Variants in CLASP2 observed in about 807,000 individuals in gnomAD.
CLASP2 encodes CLIP-associating protein 2.
In CLASP2, 47 loss-of-function variants were observed where a neutral mutation model predicts 194.4. The observed-to-expected ratio is 0.24, with a 90% CI of 0.19 to 0.31. The LOEUF (loss-of-function observed/expected upper bound fraction) is 0.31, where lower values mean the gene tolerates loss of function less well. Among genes scored for constraint, CLASP2 ranks in the 10% least tolerant of loss-of-function variants. CLASP2 has a pLI of 1.00. For synonymous variants in CLASP2, 619 were observed against 633.5 expected, an observed-to-expected ratio of 0.98 and a Z score of 0.34; for missense variants, 1,445 against 1,823.6, an observed-to-expected ratio of 0.79 and a Z score of 3.78.
rs78356707 is a variant in CLASP2, at chr3:33,617,084, T to TA, written c.1317+2518dup. Among the ~76,000 whole-genome samples, 299 of 130,524 alleles carry TA rather than the reference T, an allele frequency of 2.3e-3. 3 individuals are homozygous for TA. Among genetic ancestry groups the TA allele is most frequent in the East Asian group, 7.0e-3 (33 of 4,694 alleles). 85.6% of individuals were successfully genotyped at this position (130,524 alleles called of 152,430 possible). ...TCTGGATTAAGGTTGTCTACAATCTTAAAAAAAAAAAAAGCCTGAAACGGG... is the reference window on the plus strand; with the variant it reads ...TCTGGATTAAGGTTGTCTACAATCTTAAAAAAAAAAAAAAGCCTGAAACGGG... On this transcript the variant is annotated intron_variant, in intron 12 of 38. Coordinates refer to ENST00000682230, the MANE Select transcript of CLASP2 (RefSeq NM_001365631.1).
intron 22 of CLASP2, 51 bp downstream of exon 22, chr3:33,584,694 GAAAAA>G: frequency 6.7e-6 from 7 of 1,039,354 alleles, no homozygotes; most frequent in East Asian, 3.2e-5. Flanking sequence ...GCCAAAGCCT[GAAAAA>G]AAAAAAAAAA....
chr3:33,639,130 G>A (rs956565082), intron 8 of CLASP2, among the ~76,000 whole-genome samples: 1 of 151,924 alleles, frequency 6.6e-6, no homozygotes, highest in African/African-American at 2.4e-5. Flanking sequence ...TGATCACGGT[G>A]CACTACAGCC....
At chr3:33,676,280 A>G (rs1347775353) in intron 6 of CLASP2, among the ~76,000 whole-genome samples, 12 of 150,574 alleles carry the variant, frequency 8.0e-5, no homozygotes, top group Admixed American at 1.3e-4. Context: ...ATAACGCCGC[A>G]TATCTACAAC....
intron 8 of CLASP2, among the ~76,000 whole-genome samples, chr3:33,644,093 G>A (rs1019133020): frequency 4.0e-5 from 6 of 151,790 alleles, no homozygotes; most frequent in Admixed American, 6.6e-5. Context: ...ATATACTCAC[G>A]GCTTTCTAAT....
intron 5 of CLASP2, among the ~76,000 whole-genome samples, chr3:33,685,494 T>C (rs182912003): frequency 6.6e-6 from 1 of 152,194 alleles, no homozygotes; most frequent in African/African-American, 2.4e-5. Context: ...CTCAAACAGA[T>C]ACTTTTTACA....
chr3:33,622,474 G>C (rs1014849528), intron 10 of CLASP2, among the ~76,000 whole-genome samples, 194 bp from the exon 11 acceptor site: 17 of 152,090 alleles, frequency 1.1e-4, no homozygotes, highest in Non-Finnish European at 2.5e-4. Flanking sequence ...AAAGCTGTCT[G>C]AAAAATAACA....
intron 6 of CLASP2, among the ~76,000 whole-genome samples, chr3:33,679,773 A>G (rs191481155): frequency 1.7e-3 from 264 of 152,350 alleles, no homozygotes; most frequent in African/African-American, 5.7e-3. Context: ...ACTCTCCTTC[A>G]CTGCTGGTGG....
At chr3:33,598,679 G>A (rs536447764) in intron 18 of CLASP2, among the ~76,000 whole-genome samples, 17 of 151,972 alleles carry the variant, frequency 1.1e-4, no homozygotes, top group East Asian at 1.9e-4. Context: ...TTTCTTGACC[G>A]TCAGGCGTAA....
At chr3:33,562,195 T>A (rs893895359) in intron 27 of CLASP2, among the ~76,000 whole-genome samples, 5 of 152,230 alleles carry the variant, frequency 3.3e-5, no homozygotes, top group African/African-American at 9.6e-5. Flanking sequence ...TTTTGAGTAT[T>A]CTCTGGTCCC....
chr3:33,706,447 T>C (rs964147067), intron 1 of CLASP2, among the ~76,000 whole-genome samples: 1 of 152,178 alleles, frequency 6.6e-6, no homozygotes, highest in Non-Finnish European at 1.5e-5. Flanking sequence ...AAAAGACTAT[T>C]TTCAAGTGAC....
intron 37 of CLASP2, among the ~76,000 whole-genome samples, chr3:33,508,685 A>T (rs1489817492): frequency 1.3e-5 from 2 of 152,152 alleles, no homozygotes; most frequent in Non-Finnish European, 2.9e-5. Flanking sequence ...GAATCCTTCT[A>T]AAAGTACTTT....
In CLASP2 at chr3:33,501,943, C is replaced by T. The variant is rs192285726; in HGVS notation, c.4318-175G>A. 1,130 of 553,508 alleles carry T rather than the reference C, an allele frequency of 2.0e-3. 1 individual carries two copies. Among genetic ancestry groups the T allele is most frequent in the Non-Finnish European group, 2.4e-3 (744 of 309,556 alleles). 34.3% of individuals were successfully genotyped at this position (553,508 alleles called of 1,614,324 possible). ...CAAGCATAGACAATGCCCTTCTCTC[C>T]CTTCACTTCCCCTACTGCGCCCTCA... On this transcript the variant is annotated intron_variant, in intron 37 of 38. Transcript: ENST00000682230.
At chr3:33,580,204 T>C (rs1329989027) in intron 23 of CLASP2, among the ~76,000 whole-genome samples, 6 of 152,184 alleles carry the variant, frequency 3.9e-5, no homozygotes. Context: ...TGGGGTTTTC[T>C]AGGTCAGTAC....
At chr3:33,582,758 G>A (rs2066439871) in intron 22 of CLASP2, among the ~76,000 whole-genome samples, 1 of 152,072 alleles carries the variant, frequency 6.6e-6, no homozygotes, top group Middle Eastern at 3.2e-3. Flanking sequence ...AATATGGAAC[G>A]AAAGAAACAA....
chr3:33,648,821 T>C (rs546357392), intron 7 of CLASP2, among the ~76,000 whole-genome samples: 1 of 152,314 alleles, frequency 6.6e-6, no homozygotes, highest in South Asian at 2.1e-4. Flanking sequence ...GAGAAGAAAC[T>C]GTCTTGTTCA....
At chr3:33,639,318 C>T (rs1240922858) in intron 8 of CLASP2, among the ~76,000 whole-genome samples, 1 of 152,108 alleles carries the variant, frequency 6.6e-6, no homozygotes, top group African/African-American at 2.4e-5. Flanking sequence ...TCCATCTCCC[C>T]AAGTGCTGGT....
At chr3:33,644,658 G>T in intron 8 of CLASP2, 99 bp downstream of exon 8, 1 of 1,280,890 alleles carries the variant, frequency 7.8e-7, no homozygotes, top group Non-Finnish European at 1.1e-6. Context: ...CAATCGTGCT[G>T]CAGTCATGAA....
chr3:33,682,763 T>C (rs896996782), intron 6 of CLASP2, among the ~76,000 whole-genome samples: 1 of 152,134 alleles, frequency 6.6e-6, no homozygotes, highest in East Asian at 1.9e-4. Flanking sequence ...TTAAGAGTAG[T>C]GACTAATTTA....
chr3:33,563,561 C>G (rs1052158624), intron 27 of CLASP2, among the ~76,000 whole-genome samples: 2 of 152,172 alleles, frequency 1.3e-5, no homozygotes, highest in Non-Finnish European at 2.9e-5. Context: ...TAGTAAATAT[C>G]CTAGGGCTTT....
Sources: allele counts gnomAD v4.1 joint callset (sites outside exome capture counted in the v4.1 genomes callset), GRCh38; gene constraint gnomAD v4.1.1; transcripts MANE v1.5; gene names NCBI Gene and HGNC (gene_info 2026-07-23, HGNC 2026-07-21).